The following IRS2 variants were observed in gnomAD, a reference collection of about 807,000 sequenced individuals.
The protein encoded by IRS2 is insulin receptor substrate 2.
In IRS2, 28 loss-of-function variants were observed where a neutral mutation model predicts 70.9. That is an observed-to-expected ratio of 0.39 (90% CI 0.29 to 0.54). IRS2 has a LOEUF of 0.54. Among genes scored for constraint, IRS2 ranks in the 20% least tolerant of loss-of-function variants. IRS2 has a pLI of 0.59. For missense variants in IRS2, 2,081 were observed against 2,024.1 expected (o/e 1.03, Z -0.54); for synonymous variants, 1,217 against 981.9 (o/e 1.24, Z -4.48).
Position 109,783,523 on chromosome 13 carries a change from G to A in IRS2, c.2531C>T (p.Thr844Met), listed in dbSNP as rs1173972047. Residue 844 changes from threonine to methionine, a missense_variant, in exon 1 of 2, where the codon ACG becomes ATG. By Grantham distance (81) the Thr-to-Met change is moderately conservative. Coordinates refer to ENST00000375856, the MANE Select transcript of IRS2 (RefSeq NM_003749.3). ...LEEERLEPQATPGPSQAASAF... is the reference protein window; with the variant it reads ...LEEERLEPQAMPGPSQAASAF... ...GCTGGCCGCCTGGCTGGGCCCTGGC[G>A]TGGCCTGAGGCTCCAGACGCTCCTC... 3 of 1,548,498 alleles carry A rather than the reference G, an allele frequency of 1.9e-6. No individual in the cohort carries two copies. The South Asian group carries it at 3.6e-5, about 18-fold the overall frequency.
At chr13:109,764,014 A>G (rs941542803) in intron 1 of IRS2, among the ~76,000 whole-genome samples, 1 of 152,156 alleles carries the variant, frequency 6.6e-6, no homozygotes, top group Non-Finnish European at 1.5e-5. Flanking sequence ...AAATCCATCT[A>G]TCTAATTTAA....
At position 109,784,853 on chromosome 13, in the gene IRS2, G is replaced by C. The variant is rs908552962; in HGVS notation, c.1201C>G (p.Arg401Gly). The C allele has an allele frequency of 5.2e-6, 6 of 1,164,568 alleles. No individual in the cohort carries two copies. The highest frequency in any genetic ancestry group is 3.3e-5 in the South Asian group (1 of 30,236). 72.1% of individuals were successfully genotyped at this position (1,164,568 alleles called of 1,614,324 possible). Residue 401 changes from arginine to glycine, a missense_variant, in exon 1 of 2, where the codon CGC becomes GGC. Arg to Gly is a moderately radical substitution (Grantham distance 125). Coordinates refer to ENST00000375856, the MANE Select transcript of IRS2 (RefSeq NM_003749.3). The surrounding 1 kb of genome is among the most constrained non-coding windows in gnomAD (Gnocchi z 5.2). ...CAGCCGCCGCTCAGGGTGTGCGAGC[G>C]GCTCAGGGGCGCGCGCACCGGCCCG... ...SPGPVRAPLS[R>G]SHTLSGGCGG...
At position 109,780,023 on chromosome 13, in the gene IRS2, T is replaced by TCC. The variant is rs1394691612; in HGVS notation, c.4012+2017_4012+2018dup. On this transcript the variant is annotated intron_variant, in intron 1 of 1. Coordinates refer to ENST00000375856, the MANE Select transcript of IRS2 (RefSeq NM_003749.3). The stretch of plus-strand genomic sequence containing the variant: ...TCGGCTTCATCAGAAACGCCTTGCG[T>TCC]CCCTCCAGGCCTGGAGGCACAAATT... Among the ~76,000 whole-genome samples the TCC allele has an allele frequency of 4.6e-5, 7 of 152,256 alleles. No individual in the cohort carries two copies. In the East Asian group the frequency reaches 7.7e-4, roughly 17 times the overall value.
rs1877074532 is a variant in IRS2, at chr13:109,755,156, CT to C, written c.*1147del. 4.4e-6 allele frequency: 1 copy of C among 229,698 alleles called. No individual in the cohort carries two copies. The highest frequency in any genetic ancestry group is 5.7e-5 in the Admixed American group (1 of 17,500). The allele number at this position is 229,698 out of a possible 1,614,324, so 14.2% of individuals were successfully genotyped here. ...CTGCGAGATTGCTTTTCTTCTTTTT[CT>C]TTTTCCATCAATAACATAGGGGCTG... On this transcript the variant is annotated 3_prime_UTR_variant, in exon 2 of 2. Coordinates refer to ENST00000375856, the MANE Select transcript of IRS2 (RefSeq NM_003749.3).
intron 1 of IRS2, among the ~76,000 whole-genome samples, chr13:109,761,833 T>A (rs1470336224): frequency 6.6e-6 from 1 of 152,232 alleles, no homozygotes; most frequent in Non-Finnish European, 1.5e-5. Flanking sequence ...CATTTCATTT[T>A]GAATGCTTGT....
Position 109,785,725 on chromosome 13 carries a change from T to A in IRS2, c.329A>T (p.Lys110Met). ...NINKRADAKH[K>M]YLIALYTKDE... ...CTTGGTGTAGAGGGCGATCAGGTAC[T>A]TGTGCTTGGCGTCGGCGCGCTTGTT... Residue 110 changes from lysine (K) to methionine (M), a missense_variant, in exon 1 of 2, where the codon AAG (lysine) becomes ATG (methionine). Lys to Met is a moderately conservative substitution (Grantham distance 95, BLOSUM62 -1). This residue lies in a region of IRS2 where 320 missense variants were observed against 352.9 expected (regional missense o/e 0.91). Coordinates refer to ENST00000375856, the MANE Select transcript of IRS2 (RefSeq NM_003749.3). This position sits in a 1 kb window ranked among gnomAD's most constrained non-coding sequence, Gnocchi z 9.3. The A allele has an allele frequency of 6.3e-7, 1 of 1,599,868 alleles. No homozygotes were observed. The highest frequency in any genetic ancestry group is 2.2e-5 in the East Asian group (1 of 44,666).
chr13:109,767,826 G>A (rs900094167), intron 1 of IRS2, among the ~76,000 whole-genome samples: 6 of 148,402 alleles, frequency 4.0e-5, no homozygotes, highest in South Asian at 2.1e-4. Flanking sequence ...TCCGCTTCAC[G>A]GGTTCCAGCG....
At chr13:109,773,186 TA>T (rs758448807) in intron 1 of IRS2, among the ~76,000 whole-genome samples, 6 of 149,862 alleles carry the variant, frequency 4.0e-5, no homozygotes, top group African/African-American at 9.8e-5. Context: ...TCCTGAGAAT[TA>T]AAAAAAAAGA....
At chr13:109,763,492 C>G (rs1361426782) in intron 1 of IRS2, among the ~76,000 whole-genome samples, 1 of 152,184 alleles carries the variant, frequency 6.6e-6, no homozygotes, top group Non-Finnish European at 1.5e-5. Flanking sequence ...TAAATACATC[C>G]TACACTAGCA....
chr13:109,754,505 A>G lies in IRS2; in HGVS notation c.*1799T>C, dbSNP rs547656706. 1.6e-5 allele frequency: 2 copies of G among 121,576 alleles called. No homozygotes were observed. The highest frequency in any genetic ancestry group is 1.1e-4 in the African/African-American group (2 of 18,306). 7.5% of individuals were successfully genotyped at this position (121,576 alleles called of 1,614,324 possible). A position where few individuals can be genotyped will look rare whatever the true frequency, so the allele number is the denominator to read the frequency against. On this transcript the variant is annotated 3_prime_UTR_variant, in exon 2 of 2. Coordinates refer to ENST00000375856, the MANE Select transcript of IRS2 (RefSeq NM_003749.3). ...CCCATTGATGCCTATTCCCAAAACT[A>G]AATAAAAACTTCAGGATTTTTATAC...
chr13:109,785,452 T>G lies in IRS2; in HGVS notation c.602A>C (p.Asn201Thr). The change falls in exon 1 of 2, where the codon AAC becomes ACC. Residue 201 changes from asparagine (N) to threonine (T), a missense_variant. By Grantham distance (65) the Asn-to-Thr change is moderately conservative. Coordinates refer to ENST00000375856, the MANE Select transcript of IRS2 (RefSeq NM_003749.3). This position sits in a 1 kb window ranked among gnomAD's most constrained non-coding sequence, Gnocchi z 9.3. The stretch of plus-strand genomic sequence containing the variant: ...CTGGCCCAGACCCTTGGGCTTCAGG[T>G]TCACCTGCCACACCTCACGGTAGGC... Reference protein sequence around the residue: ...TAAYREVWQVNLKPKGLGQSK... With the variant: ...TAAYREVWQVTLKPKGLGQSK... The G allele has an allele frequency of 1.2e-6, 2 of 1,611,662 alleles. No homozygotes were observed. The highest frequency in any genetic ancestry group is 1.7e-6 in the Non-Finnish European group (2 of 1,179,628).
chr13:109,785,596 G>A lies in IRS2; in HGVS notation c.458C>T (p.Ala153Val). The change falls in exon 1 of 2, where the codon GCG becomes GTG. Residue 153 changes from alanine to valine, a missense_variant. Ala to Val is a moderately conservative substitution (Grantham distance 64, BLOSUM62 0). Around this residue, in one of 4 missense-constraint regions of IRS2, gnomAD observed 320 missense variants for 352.9 expected, o/e 0.91. Transcript: ENST00000375856. This position sits in a 1 kb window ranked among gnomAD's most constrained non-coding sequence, Gnocchi z 9.3. ...VSEGRAAAGD[A>V]PPAAAPAASC... Reference sequence around the variant, plus strand: ...CGCGGCGGGCGCGGCGGCGGGGGGCGCGTCTCCGGCGGCCGCGCGGCCCTC... The same window carrying A: ...CGCGGCGGGCGCGGCGGCGGGGGGCACGTCTCCGGCGGCCGCGCGGCCCTC... 1.5e-6 allele frequency: 2 copies of A among 1,348,400 alleles called. No individual in the cohort carries two copies. The highest frequency in any genetic ancestry group is 3.8e-5 in the South Asian group (2 of 52,590). 83.5% of individuals were successfully genotyped at this position (1,348,400 alleles called of 1,614,324 possible).
chr13:109,756,609 G>C (rs1877111867), intron 1 of IRS2, among the ~76,000 whole-genome samples: 1 of 152,180 alleles, frequency 6.6e-6, no homozygotes, highest in Non-Finnish European at 1.5e-5. Flanking sequence ...TGTCGAACAA[G>C]ATAGAAAAAG....
In IRS2 at chr13:109,771,014, T is replaced by C. The variant is rs191586726; in HGVS notation, c.4012+11028A>G. On this transcript the variant is annotated intron_variant, in intron 1 of 1. Coordinates refer to ENST00000375856, the MANE Select transcript of IRS2 (RefSeq NM_003749.3). ...ACATTTCATTGCAGTGATTATTTCA[T>C]CTCGAACTAGGAACACTGATAAGCT... 2.8e-3 allele frequency among the ~76,000 whole-genome samples: 422 copies of C among 152,284 alleles called. 4 individuals carry two copies. The highest frequency in any genetic ancestry group is 9.5e-3 in the African/African-American group (396 of 41,542).
At position 109,783,824 on chromosome 13, in the gene IRS2, G is replaced by C. The variant is rs558236298; in HGVS notation, c.2230C>G (p.Arg744Gly). ...ESSPEDSGYM[R>G]MWCGSKLSME... ...GACAGCTTGGAACCGCACCACATGC[G>C]CATGTACCCACTGTCCTCGGGGGAG... is the stretch of plus-strand genomic sequence containing the variant. The change falls in exon 1 of 2, where the codon CGC becomes GGC. Residue 744 changes from arginine to glycine, a missense_variant. Around this residue, in one of 4 missense-constraint regions of IRS2, gnomAD observed 1,615 missense variants for 1,459.5 expected, o/e 1.11. Transcript: ENST00000375856. 1.6e-5 allele frequency: 26 copies of C among 1,589,430 alleles called. No homozygotes were observed. Among genetic ancestry groups the C allele is most frequent in the Non-Finnish European group, 2.2e-5 (26 of 1,168,412 alleles).
At chr13:109,763,391 C>T (rs1485053891) in intron 1 of IRS2, among the ~76,000 whole-genome samples, 1 of 152,248 alleles carries the variant, frequency 6.6e-6, no homozygotes, top group Non-Finnish European at 1.5e-5. Flanking sequence ...ATGAAGCCAG[C>T]ACACTTTTGG....
intron 1 of IRS2, among the ~76,000 whole-genome samples, chr13:109,770,636 A>G (rs1407948369): frequency 6.6e-6 from 1 of 152,128 alleles, no homozygotes; most frequent in Non-Finnish European, 1.5e-5. Flanking sequence ...TGCTCAGCCA[A>G]GATTGCCTGC....
intron 1 of IRS2, 66 bp from the exon 2 acceptor site, chr13:109,756,374 G>C: frequency 6.9e-7 from 1 of 1,441,812 alleles, no homozygotes; most frequent in East Asian, 2.3e-5. Flanking sequence ...TGGAGTTCCA[G>C]AAAGGGCCCC....
At position 109,786,226 on chromosome 13, in the gene IRS2, A is replaced by C. The variant is rs1330505162; in HGVS notation, c.-173T>G. 2 of 194,510 alleles carry C rather than the reference A, an allele frequency of 1.0e-5. No individual in the cohort carries two copies. 12.0% of individuals were successfully genotyped at this position (194,510 alleles called of 1,614,324 possible). A position where few individuals can be genotyped will look rare whatever the true frequency, so the allele number is the denominator to read the frequency against. On this transcript the variant is annotated 5_prime_UTR_variant, in exon 1 of 2. Transcript: ENST00000375856. This position sits in a 1 kb window ranked among gnomAD's most constrained non-coding sequence, Gnocchi z 4.4. ...AGGTCCGGGGAGGCCCGCGGGGGCC[A>C]GCACCGCTCGGCGGCGCCGCGCCCT...
Sources: gnomAD v4.1 joint callset for allele counts (sites outside exome capture counted in the v4.1 genomes callset) on GRCh38, gnomAD v4.1.1 for gene constraint, gnomAD v4.1.1 regional missense constraint, Gnocchi (gnomAD v3.1) non-coding constraint, MANE v1.5 for transcripts, NCBI Gene and HGNC (gene_info 2026-07-23, HGNC 2026-07-21) for gene names.